BRD9: variants seen among roughly 807,000 people sequenced by gnomAD.
The protein encoded by BRD9 is bromodomain containing 9, also known as bromodomain-containing protein 9.
A neutral mutation model predicts 68.7 loss-of-function variants in BRD9; 47 were observed. That is an observed-to-expected ratio of 0.68 (90% CI 0.54 to 0.87). The LOEUF (loss-of-function observed/expected upper bound fraction) is 0.87. Among genes scored for constraint, BRD9 ranks in the 40% least tolerant of loss-of-function variants. The probability of loss-of-function intolerance (pLI) is 0.00; values close to 1 mark genes in which losing one functional copy is unlikely to be tolerated. For synonymous variants in BRD9, 313 were observed against 293.9 expected (o/e 1.06, Z -0.67); for missense variants, 670 against 748.4 (o/e 0.90, Z 1.22).
intron 14 of BRD9, among the ~76,000 whole-genome samples, chr5:867,453 G>A (rs549199024): frequency 2.6e-5 from 4 of 152,336 alleles, no homozygotes; most frequent in East Asian, 1.9e-4. Flanking sequence ...TGGTAGATCC[G>A]ACAGCTTGCA....
At chr5:884,293 A>C (rs1026339545) in intron 7 of BRD9, among the ~76,000 whole-genome samples, 3 of 152,244 alleles carry the variant, frequency 2.0e-5, no homozygotes, top group Non-Finnish European at 4.4e-5. Context: ...TAAGCCAAGT[A>C]GACAGACTTC....
At chr5:889,310 A>ATT in intron 4 of BRD9, 145 bp from the exon 5 acceptor site, 3 of 985,504 alleles carry the variant, frequency 3.0e-6, no homozygotes, top group Non-Finnish European at 4.4e-6. Context: ...TTATTGTGAT[A>ATT]GGTATTTCAG....
chr5:891,448 G>T, intron 2 of BRD9, 161 bp from the exon 3 acceptor site: 1 of 1,317,024 alleles, frequency 7.6e-7, no homozygotes, highest in Non-Finnish European at 1.0e-6. Context: ...ACCCTGGCAG[G>T]GTCTGCTGAG....
At chr5:888,427 G>C (rs1308128572) in intron 5 of BRD9, 1 of 152,282 alleles carries the variant, frequency 6.6e-6, no homozygotes, top group Non-Finnish European at 1.5e-5. Flanking sequence ...GCATAAAATA[G>C]AAAAGTCAAG....
intron 7 of BRD9, among the ~76,000 whole-genome samples, chr5:886,027 T>C (rs770167398): frequency 6.6e-6 from 1 of 152,182 alleles, no homozygotes; most frequent in African/African-American, 2.4e-5. Context: ...GGCTGCTCCC[T>C]GTGGGAGGGA....
intron 11 of BRD9, among the ~76,000 whole-genome samples, chr5:877,955 G>T (rs568320996): frequency 6.6e-6 from 1 of 152,226 alleles, no homozygotes; most frequent in Admixed American, 6.5e-5. Context: ...GCAGGCCCAG[G>T]AGAGAGGGCT....
In BRD9 at chr5:892,416, C is replaced by T. The variant is rs957259801; in HGVS notation, c.52+190G>A. On this transcript the variant is annotated intron_variant, in intron 1 of 15. Transcript: ENST00000467963. Reference sequence around the variant, plus strand: ...GAACCCTCTACCAGGAACGTAAGCGCCTACCCAGGACCCCTCACGTGTGCC... The same window carrying T: ...GAACCCTCTACCAGGAACGTAAGCGTCTACCCAGGACCCCTCACGTGTGCC... The T allele has an allele frequency of 3.8e-6, 5 of 1,301,934 alleles. No homozygotes were observed. The Admixed American group carries it at 9.9e-5, about 26-fold the overall frequency. 80.6% of individuals were successfully genotyped at this position (1,301,934 alleles called of 1,614,324 possible).
At position 892,478 on chromosome 5, in the gene BRD9, G is replaced by C. The variant is rs1046718306; in HGVS notation, c.52+128C>G. 32 of 1,440,156 alleles carry C rather than the reference G, an allele frequency of 2.2e-5. No homozygotes were observed. The African/African-American group carries it at 4.6e-4, about 21-fold the overall frequency. The allele number at this position is 1,440,156 out of a possible 1,614,324, so 89.2% of individuals were successfully genotyped here. A position where few individuals can be genotyped will look rare whatever the true frequency, so the allele number is the denominator to read the frequency against. The stretch of plus-strand genomic sequence containing the variant: ...CCGAAATCCCAGGACCCCCTCCCGC[G>C]TGCCCAGAACCCCTCCCTCGTGGCC... On this transcript the variant is annotated intron_variant, in intron 1 of 15. Coordinates refer to ENST00000467963, the MANE Select transcript of BRD9 (RefSeq NM_023924.5).
At chr5:877,922 G>GAAA (rs758875839) in intron 11 of BRD9, among the ~76,000 whole-genome samples, 1 of 152,184 alleles carries the variant, frequency 6.6e-6, no homozygotes, top group Non-Finnish European at 1.5e-5. Context: ...AAGGCACAGG[G>GAAA]AAAAGACGGA....
intron 5 of BRD9, chr5:888,533 C>G (rs1290155191): frequency 6.6e-6 from 1 of 152,358 alleles, no homozygotes; most frequent in African/African-American, 2.4e-5. Context: ...GCTTTCTTCC[C>G]CTGGGTTGCA....
chr5:872,314 A>C (rs73731002), intron 12 of BRD9, among the ~76,000 whole-genome samples: 5,776 of 152,298 alleles, frequency 0.038, 349 homozygotes, highest in African/African-American at 0.13. Flanking sequence ...TGTTTCCCCA[A>C]AAGCCTTCAG....
At chr5:888,271 A>T (rs1478073707) in intron 5 of BRD9, 1 of 152,398 alleles carries the variant, frequency 6.6e-6, no homozygotes, top group Admixed American at 6.5e-5. Context: ...GGCCCGAAGC[A>T]GGGAATACAG....
rs1414088133 is a variant in BRD9, at chr5:884,055, AG to A, written c.848del (p.Pro283LeufsTer8). The stretch of plus-strand genomic sequence containing the variant: ...CCGTCAAGCTGCAGGCATTCCCTTC[AG>A]GCTCAAACATGCAGCTGTGAGGTGG... ...SREVISCMFE[P>X]EGNACSLTDS... On this transcript the variant is annotated frameshift_variant, in exon 8 of 16. Coordinates refer to ENST00000467963, the MANE Select transcript of BRD9 (RefSeq NM_023924.5). LOFTEE classifies it high-confidence loss of function. 6.2e-7 allele frequency: 1 copy of A among 1,613,526 alleles called. No individual in the cohort carries two copies. The highest frequency in any genetic ancestry group is 1.3e-5 in the African/African-American group (1 of 75,040).
At position 889,055 on chromosome 5, in the gene BRD9, A is replaced by G. The variant is rs753243968; in HGVS notation, c.572T>C (p.Val191Ala). Residue 191 changes from valine to alanine, a missense_variant, in exon 5 of 16, where the codon GTA becomes GCA. Val to Ala is a moderately conservative substitution (Grantham distance 64). Coordinates refer to ENST00000467963, the MANE Select transcript of BRD9 (RefSeq NM_023924.5). ...CGTAACTGACTTGTATTCATTAGCT[A>G]CAATTTTGTCTTTCATGGTGCCAAA... ...MDFGTMKDKI[V>A]ANEYKSVTEF... 1 of 1,610,072 alleles carries G rather than the reference A, an allele frequency of 6.2e-7. No homozygotes were observed. The highest frequency in any genetic ancestry group is 2.2e-5 in the East Asian group (1 of 44,862).
chr5:864,592 T>C (rs1749062698), intron 15 of BRD9, 24 bp from the exon 16 acceptor site: 2 of 1,604,188 alleles, frequency 1.2e-6, no homozygotes, highest in Non-Finnish European at 8.5e-7. Flanking sequence ...AACACAGGAC[T>C]TCAACACACA....
At chr5:883,135 A>C (rs1752043244) in intron 8 of BRD9, 1 of 366,978 alleles carries the variant, frequency 2.7e-6, no homozygotes, top group African/African-American at 2.1e-5. Context: ...CAAGCCACAC[A>C]GAGCACTGCA....
chr5:872,317 G>A (rs550034199), intron 12 of BRD9, among the ~76,000 whole-genome samples: 2 of 152,322 alleles, frequency 1.3e-5, no homozygotes, highest in African/African-American at 2.4e-5. Context: ...TTCCCCAAAA[G>A]CCTTCAGTCA....
intron 14 of BRD9, chr5:866,119 G>A (rs892898633): frequency 2.0e-5 from 3 of 152,432 alleles, no homozygotes; most frequent in Non-Finnish European, 4.4e-5. Context: ...CAGGTCTGTG[G>A]TCACCTGAGC....
At chr5:887,316 G>C in intron 6 of BRD9, 45 bp downstream of exon 6, 1 of 1,510,414 alleles carries the variant, frequency 6.6e-7, no homozygotes, top group Non-Finnish European at 9.2e-7. Flanking sequence ...ACGGGGGGCA[G>C]AGCCCCTGCT....
Sources: allele counts gnomAD v4.1 joint callset (sites outside exome capture counted in the v4.1 genomes callset), GRCh38; gene constraint gnomAD v4.1.1; transcripts MANE v1.5; gene names NCBI Gene and HGNC (gene_info 2026-07-23, HGNC 2026-07-21).